Variants in IL34 observed in about 807,000 individuals in gnomAD.
IL34 encodes interleukin-34.
In IL34, 17 loss-of-function variants were observed where a neutral mutation model predicts 25.3. That is an observed-to-expected ratio of 0.67 (90% CI 0.46 to 1.01). The LOEUF (loss-of-function observed/expected upper bound fraction) is 1.01, where lower values mean the gene tolerates loss of function less well. Ranked by LOEUF, IL34 falls within the 50% of genes least tolerant of loss-of-function variation. The probability of loss-of-function intolerance (pLI) is 0.00; values close to 1 mark genes in which losing one functional copy is unlikely to be tolerated. For missense variants in IL34, 368 were observed against 312.9 expected, an observed-to-expected ratio of 1.18 and a Z score of -1.33; for synonymous variants, 174 against 140.9, an observed-to-expected ratio of 1.23 and a Z score of -1.66.
At position 70,657,298 on chromosome 16, in the gene IL34, A is replaced by T. The variant is rs2052256639; in HGVS notation, c.402+177A>T. On this transcript the variant is annotated intron_variant, in intron 4 of 5. Coordinates refer to ENST00000288098, the MANE Select transcript of IL34 (RefSeq NM_001393494.1). ...TGCAGGAAAAGAGGCCTGTGGAAGG[A>T]AGAGGCAGCCGTGGTGGTCATGAGA... The T allele has an allele frequency of 1.7e-5, 11 of 662,690 alleles. No homozygotes were observed. The South Asian group carries it at 2.0e-4, about 12-fold the overall frequency. The allele number at this position is 662,690 out of a possible 1,614,324, so 41.1% of individuals were successfully genotyped here. A position where few individuals can be genotyped will look rare whatever the true frequency, so the allele number is the denominator to read the frequency against.
chr16:70,600,181 C>G (rs917593989), intron 1 of IL34, among the ~76,000 whole-genome samples: 11 of 152,270 alleles, frequency 7.2e-5, no homozygotes, highest in African/African-American at 2.6e-4. Context: ...TCTCTCGTTC[C>G]TATTTTCCAC....
At position 70,606,398 on chromosome 16, in the gene IL34, A is replaced by G. The variant is rs1354210540; in HGVS notation, c.-401+26349A>G. Among the ~76,000 whole-genome samples the G allele has an allele frequency of 3.3e-5, 5 of 152,104 alleles. No homozygotes were observed. The East Asian group carries it at 7.7e-4, about 23-fold the overall frequency. On this transcript the variant is annotated intron_variant, in intron 1 of 6. Coordinates refer to the IL34 transcript ENST00000429149. Reference sequence around the variant, plus strand: ...GGGCAACAGAGCAAGACTCTGTCTCAAAAAACAAAAATAAAAATAAATAAA... The same window carrying G: ...GGGCAACAGAGCAAGACTCTGTCTCGAAAAACAAAAATAAAAATAAATAAA...
At chr16:70,621,296 G>A (rs901645228) in intron 1 of IL34, among the ~76,000 whole-genome samples, 9 of 152,152 alleles carry the variant, frequency 5.9e-5, no homozygotes, top group Non-Finnish European at 1.2e-4. Flanking sequence ...TTCCCAGTCC[G>A]TGACTGGCAC....
chr16:70,597,212 C>T (rs1597738177), intron 1 of IL34, among the ~76,000 whole-genome samples: 1 of 149,288 alleles, frequency 6.7e-6, no homozygotes, highest in South Asian at 2.1e-4. Context: ...CAGAGTTCAG[C>T]CAGTTTTTTA....
chr16:70,631,067 G>GT (rs2051507529), intron 1 of IL34, among the ~76,000 whole-genome samples: 1 of 152,348 alleles, frequency 6.6e-6, no homozygotes, highest in African/African-American at 2.4e-5. Flanking sequence ...TTTGTGGTTG[G>GT]TTGAAACTGA....
chr16:70,657,357 C>T (rs1046102496), intron 4 of IL34: 3 of 538,044 alleles, frequency 5.6e-6, no homozygotes, highest in African/African-American at 3.8e-5. Flanking sequence ...GCCTCTGAGA[C>T]TCTGTTCTAG....
rs137873349 is a variant in IL34, at chr16:70,623,675, G to A, written c.-400-22873G>A. ...AATACAAGAGGAGGATGCAAAGGAG[G>A]CTTTGGATTGGGAAGAAGGGTGGCA... On this transcript the variant is annotated intron_variant, in intron 1 of 6. Transcript: ENST00000429149. Among the ~76,000 whole-genome samples the A allele has an allele frequency of 6.8e-3, 1,026 of 151,986 alleles. 12 individuals are homozygous for A. Among genetic ancestry groups the A allele is most frequent in the African/African-American group, 0.023 (966 of 41,420 alleles).
intron 2 of IL34, 33 bp from the exon 3 acceptor site, chr16:70,656,569 C>T (rs780825244): frequency 3.2e-6 from 3 of 938,080 alleles, no homozygotes; most frequent in Non-Finnish European, 5.3e-6. Context: ...ATTTCTACTT[C>T]TGGCCTCATA....
At chr16:70,620,646 G>A (rs1297335747) in intron 1 of IL34, among the ~76,000 whole-genome samples, 1 of 152,164 alleles carries the variant, frequency 6.6e-6, no homozygotes, top group Non-Finnish European at 1.5e-5. Flanking sequence ...ACAGAGACTA[G>A]GAAGGGACTG....
intron 1 of IL34, among the ~76,000 whole-genome samples, chr16:70,652,928 G>C (rs1452654458): frequency 6.6e-6 from 1 of 152,190 alleles, no homozygotes; most frequent in East Asian, 1.9e-4. Context: ...GTATGACCGG[G>C]CATGGTGGCT....
chr16:70,589,645 A>G (rs2050730701), intron 1 of IL34, among the ~76,000 whole-genome samples: 1 of 144,814 alleles, frequency 6.9e-6, no homozygotes, highest in Non-Finnish European at 1.5e-5. Flanking sequence ...TTTTTGAGAC[A>G]GAGTTTTGCT....
intron 1 of IL34, among the ~76,000 whole-genome samples, chr16:70,627,220 A>C (rs547234370): frequency 1.3e-5 from 2 of 152,298 alleles, no homozygotes; most frequent in Admixed American, 1.3e-4. Context: ...TTCCATTTGA[A>C]CTTTAACATC....
chr16:70,582,997 G>GGGA (rs2151801699), intron 1 of IL34, among the ~76,000 whole-genome samples: 1 of 152,340 alleles, frequency 6.6e-6, no homozygotes, highest in South Asian at 2.1e-4. Flanking sequence ...GCTGGATGTA[G>GGGA]GGAGCGGCGG....
intron 1 of IL34, among the ~76,000 whole-genome samples, chr16:70,629,629 G>A (rs997281992): frequency 2.0e-5 from 3 of 151,740 alleles, no homozygotes; most frequent in African/African-American, 7.3e-5. Flanking sequence ...TATTGTTTGG[G>A]GAGTAATGAC....
chr16:70,627,221 C>T (rs892967443), intron 1 of IL34, among the ~76,000 whole-genome samples: 1 of 152,130 alleles, frequency 6.6e-6, no homozygotes, highest in Non-Finnish European at 1.5e-5. Context: ...TCCATTTGAA[C>T]TTTAACATCT....
chr16:70,581,203 C>T (rs779981975), intron 1 of IL34, among the ~76,000 whole-genome samples: 117 of 152,160 alleles, frequency 7.7e-4, no homozygotes, highest in Non-Finnish European at 9.1e-4. Flanking sequence ...TGAGCCACCA[C>T]GCCCGGCCAA....
chr16:70,622,832 G>C (rs2151839487), intron 1 of IL34, among the ~76,000 whole-genome samples: 1 of 152,152 alleles, frequency 6.6e-6, no homozygotes, highest in African/African-American at 2.4e-5. Flanking sequence ...GTTGAGCATA[G>C]TTTGCGATTT....
intron 1 of IL34, 103 bp from the exon 2 acceptor site, chr16:70,654,435 T>C (rs2052160241): frequency 1.4e-6 from 2 of 1,440,724 alleles, no homozygotes; most frequent in Non-Finnish European, 1.9e-6. Context: ...TTGGTGCTTG[T>C]CTCCTATGCA....
intron 1 of IL34, among the ~76,000 whole-genome samples, chr16:70,584,074 C>T (rs531817021): frequency 1.3e-5 from 2 of 152,330 alleles, no homozygotes; most frequent in South Asian, 2.1e-4. Flanking sequence ...CTGACCCAGC[C>T]GTAGGAGGGA....
Sources: gnomAD v4.1 joint callset for allele counts (sites outside exome capture counted in the v4.1 genomes callset) on GRCh38, gnomAD v4.1.1 for gene constraint, MANE v1.5 for transcripts, NCBI Gene and HGNC (gene_info 2026-07-23, HGNC 2026-07-21) for gene names.